The following NAV2 variants were observed in gnomAD, a reference collection of about 807,000 sequenced individuals.
NAV2 encodes the protein neuron navigator 2.
Under a neutral mutation model 223.2 loss-of-function variants are expected in NAV2, and 54 were observed. The ratio of observed to expected loss-of-function variants is 0.24; its 90% confidence interval spans 0.19 to 0.30. The LOEUF is 0.30. NAV2 is among the 10% of genes least tolerant of loss of function. NAV2 has a pLI of 1.00. For missense variants in NAV2, 2,806 were observed against 3,147.5 expected, an observed-to-expected ratio of 0.89 and a Z score of 2.60; for synonymous variants, 1,279 against 1,239.3, an observed-to-expected ratio of 1.03 and a Z score of -0.67.
intron 3 of NAV2, among the ~76,000 whole-genome samples, chr11:19,862,975 C>A (rs2061879383): frequency 6.6e-6 from 1 of 151,992 alleles, no homozygotes; most frequent in African/African-American, 2.4e-5. Flanking sequence ...GACGTGGAGA[C>A]CTCTTAGATA....
At chr11:20,062,228 C>A in intron 19 of NAV2, 79 bp from the exon 20 acceptor site, 1 of 1,018,178 alleles carries the variant, frequency 9.8e-7, no homozygotes, top group Non-Finnish European at 1.5e-6. Context: ...TCCTGTATTG[C>A]TGATGTTCTC....
At chr11:19,693,079 G>A (rs1310333476) in intron 1 of NAV2, among the ~76,000 whole-genome samples, 1 of 152,244 alleles carries the variant, frequency 6.6e-6, no homozygotes, top group African/African-American at 2.4e-5. Flanking sequence ...CAATTAAGCA[G>A]ATCATTTGGT....
intron 1 of NAV2, among the ~76,000 whole-genome samples, chr11:19,491,436 T>C (rs2042623602): frequency 6.6e-6 from 1 of 152,260 alleles, no homozygotes; most frequent in Non-Finnish European, 1.5e-5. Flanking sequence ...CAGTACTTGC[T>C]GCTTCACCTT....
At chr11:19,848,744 A>G (rs1482618236) in intron 3 of NAV2, among the ~76,000 whole-genome samples, 2 of 152,228 alleles carry the variant, frequency 1.3e-5, no homozygotes, top group Non-Finnish European at 2.9e-5. Flanking sequence ...AAGGGACTTA[A>G]GTATTTGTTA....
intron 19 of NAV2, among the ~76,000 whole-genome samples, chr11:20,057,497 C>T (rs1210377982): frequency 2.0e-5 from 3 of 152,088 alleles, no homozygotes; most frequent in East Asian, 1.9e-4. Context: ...GATTTAAGAG[C>T]TAGAAATTAA....
At chr11:20,059,704 G>A (rs1286319857) in intron 19 of NAV2, among the ~76,000 whole-genome samples, 1 of 152,188 alleles carries the variant, frequency 6.6e-6, no homozygotes, top group Non-Finnish European at 1.5e-5. Context: ...CCTTAAACAA[G>A]TCATTTCACC....
chr11:19,377,250 A>T (rs1030098614), intron 1 of NAV2, among the ~76,000 whole-genome samples: 2 of 152,238 alleles, frequency 1.3e-5, no homozygotes, highest in Non-Finnish European at 2.9e-5. Flanking sequence ...GGAGCATGGA[A>T]GGGTGCTATC....
intron 1 of NAV2, among the ~76,000 whole-genome samples, chr11:19,663,355 C>T (rs1310740987): frequency 6.6e-6 from 1 of 152,074 alleles, no homozygotes; most frequent in Non-Finnish European, 1.5e-5. Flanking sequence ...TTTACTGTCC[C>T]CACAACCCCA....
intron 1 of NAV2, among the ~76,000 whole-genome samples, chr11:19,669,942 T>C (rs1400261121): frequency 6.6e-6 from 1 of 152,194 alleles, no homozygotes; most frequent in Non-Finnish European, 1.5e-5. Context: ...AATATAATCA[T>C]ATGCCCTGCA....
intron 11 of NAV2, among the ~76,000 whole-genome samples, chr11:19,993,757 T>C (rs911673336): frequency 1.3e-5 from 2 of 152,218 alleles, no homozygotes; most frequent in Non-Finnish European, 2.9e-5. Context: ...AGGAACATAA[T>C]AGTTGAGTTG....
At chr11:20,056,087 C>G (rs1232072555) in intron 19 of NAV2, 130 bp downstream of exon 19, 1 of 789,214 alleles carries the variant, frequency 1.3e-6, no homozygotes, top group Non-Finnish European at 2.0e-6. Context: ...TCCCACCTCT[C>G]CCACCTACTC....
chr11:19,575,437 C>G (rs1221328040), intron 1 of NAV2: 1 of 152,102 alleles, frequency 6.6e-6, no homozygotes. Flanking sequence ...GCCAGTCAGA[C>G]CCATCCACGG....
At chr11:19,518,729 G>A (rs553914698) in intron 1 of NAV2, 1 of 152,304 alleles carries the variant, frequency 6.6e-6, no homozygotes, top group African/African-American at 2.4e-5. Flanking sequence ...TGTGTTCCTG[G>A]CATGACGTGT....
chr11:19,875,901 G>A (rs541969841), intron 4 of NAV2, among the ~76,000 whole-genome samples: 68 of 152,314 alleles, frequency 4.5e-4, no homozygotes, highest in Non-Finnish European at 7.5e-4. Context: ...GGCTTCCTTT[G>A]GGTGAAGAGC....
chr11:19,587,279 C>T (rs897589073), intron 1 of NAV2, among the ~76,000 whole-genome samples: 1 of 152,196 alleles, frequency 6.6e-6, no homozygotes, highest in Admixed American at 6.5e-5. Context: ...TGCCTGTCAC[C>T]CCTTTCTTTG....
chr11:19,739,006 C>A (rs550929225), intron 1 of NAV2, among the ~76,000 whole-genome samples: 1 of 146,624 alleles, frequency 6.8e-6, no homozygotes, highest in African/African-American at 2.6e-5. Context: ...CATGGTGAAA[C>A]GCCATCACTA....
chr11:20,106,155 G>GTGTGTGTATATATA (rs369895690), intron 35 of NAV2, among the ~76,000 whole-genome samples: 3 of 31,498 alleles, frequency 9.5e-5, no homozygotes, highest in African/African-American at 2.0e-4. Flanking sequence ...GTGTGTGTGT[G>GTGTGTGTATATATA]TATATATATA....
chr11:19,751,267 G>A (rs978415232), intron 1 of NAV2, among the ~76,000 whole-genome samples: 4 of 152,162 alleles, frequency 2.6e-5, no homozygotes, highest in African/African-American at 9.7e-5. Context: ...CTCTGACTTC[G>A]GAGTCTGAGC....
intron 29 of NAV2, among the ~76,000 whole-genome samples, chr11:20,094,159 T>A (rs1346121798): frequency 2.6e-5 from 4 of 151,980 alleles, no homozygotes; most frequent in Non-Finnish European, 5.9e-5. Context: ...AGCTCCGTTT[T>A]CAAAACATAG....
Sources: allele counts gnomAD v4.1 joint callset (sites outside exome capture counted in the v4.1 genomes callset), GRCh38; gene constraint gnomAD v4.1.1; transcripts MANE v1.5; gene names NCBI Gene and HGNC (gene_info 2026-07-23, HGNC 2026-07-21).